Variants in BMAL2 observed in about 807,000 individuals in gnomAD.
The protein encoded by BMAL2 is basic helix-loop-helix ARNT like 2.
At chr12:27,368,077 A>G in the BMAL2 span, among the ~76,000 whole-genome samples, 1 of 138,364 alleles carries the variant, frequency 7.2e-6, no homozygotes, top group Admixed American at 7.2e-5. Context: ...TCCTGACCTC[A>G]GGTGATCCAC....
At chr12:27,360,187 T>C in the BMAL2 span, among the ~76,000 whole-genome samples, 1 of 151,882 alleles carries the variant, frequency 6.6e-6, no homozygotes, top group East Asian at 1.9e-4. Context: ...CATGAGGGAA[T>C]ATCAGACAAA....
the BMAL2 span, chr12:27,380,361 T>TA: frequency 1.9e-5 from 30 of 1,614,024 alleles, no homozygotes; most frequent in Non-Finnish European, 2.5e-5. Flanking sequence ...TGGACAAACT[T>TA]ACAGTTTTAA....
the BMAL2 span, among the ~76,000 whole-genome samples, chr12:27,417,006 C>T: frequency 1.3e-5 from 2 of 152,176 alleles, no homozygotes; most frequent in Admixed American, 6.5e-5. Context: ...ATACAAATAT[C>T]ATGTCTTCTG....
chr12:27,380,498 TTC>T, the BMAL2 span: 4 of 1,364,470 alleles, frequency 2.9e-6, no homozygotes. Flanking sequence ...GCTGTTGAGG[TTC>T]TATCCAGATG....
the BMAL2 span, among the ~76,000 whole-genome samples, chr12:27,418,427 C>G: frequency 6.7e-6 from 1 of 150,152 alleles, no homozygotes; most frequent in Non-Finnish European, 1.5e-5. Context: ...TAGCAATAAC[C>G]CATCCCTACG....
At chr12:27,336,835 C>T in the BMAL2 span, among the ~76,000 whole-genome samples, 2 of 151,510 alleles carry the variant, frequency 1.3e-5, no homozygotes, top group Non-Finnish European at 2.9e-5. Flanking sequence ...TGCCTGTAAT[C>T]CCAGCTCAGG....
the BMAL2 span, among the ~76,000 whole-genome samples, chr12:27,345,954 T>G: frequency 6.6e-6 from 1 of 152,238 alleles, no homozygotes; most frequent in African/African-American, 2.4e-5. Context: ...GAAGCAAATA[T>G]TTAAAAGGGA....
the BMAL2 span, among the ~76,000 whole-genome samples, chr12:27,344,634 A>G: frequency 1.3e-5 from 2 of 152,170 alleles, no homozygotes; most frequent in African/African-American, 4.8e-5. Context: ...AATCAGGCCT[A>G]CCCAGATTAT....
At chr12:27,343,888 C>T in the BMAL2 span, among the ~76,000 whole-genome samples, 1 of 152,186 alleles carries the variant, frequency 6.6e-6, no homozygotes, top group Admixed American at 6.5e-5. Flanking sequence ...TCCCTTGACT[C>T]CAGTTTCCTT....
chr12:27,359,121 T>C, the BMAL2 span, among the ~76,000 whole-genome samples: 12 of 152,330 alleles, frequency 7.9e-5, no homozygotes, highest in African/African-American at 2.4e-4. Context: ...CAGTGCCTTT[T>C]TTCCAAAGCA....
At chr12:27,346,554 T>A in the BMAL2 span, among the ~76,000 whole-genome samples, 4 of 152,198 alleles carry the variant, frequency 2.6e-5, no homozygotes, top group South Asian at 2.1e-4. Flanking sequence ...TGAGCCACCA[T>A]GCCCGGCCTA....
the BMAL2 span, chr12:27,402,726 TA>T: frequency 6.7e-7 from 1 of 1,491,074 alleles, no homozygotes; most frequent in African/African-American, 1.4e-5. Flanking sequence ...GACATATTAT[TA>T]AGACTATTAC....
the BMAL2 span, among the ~76,000 whole-genome samples, chr12:27,367,932 C>A: frequency 6.6e-6 from 1 of 151,712 alleles, no homozygotes; most frequent in African/African-American, 2.4e-5. Flanking sequence ...GCAACCTCTG[C>A]CTCCCAGGTT....
chr12:27,339,794 G>T, the BMAL2 span, among the ~76,000 whole-genome samples: 3 of 152,116 alleles, frequency 2.0e-5, no homozygotes, highest in East Asian at 5.8e-4. Flanking sequence ...TAGCCATTCT[G>T]ACTGGTATGA....
the BMAL2 span, among the ~76,000 whole-genome samples, chr12:27,362,840 G>T: frequency 6.6e-6 from 1 of 151,902 alleles, no homozygotes; most frequent in Non-Finnish European, 1.5e-5. Flanking sequence ...AGAAGACAGG[G>T]TCTCACTCTG....
chr12:27,400,453 A>C, the BMAL2 span: 2 of 1,166,628 alleles, frequency 1.7e-6, no homozygotes, highest in Non-Finnish European at 2.3e-6. Context: ...CACAATTATA[A>C]CTATTATAGA....
chr12:27,379,045 A>G, the BMAL2 span, among the ~76,000 whole-genome samples: 1 of 152,076 alleles, frequency 6.6e-6, no homozygotes, highest in Admixed American at 6.5e-5. Flanking sequence ...AAAAAAAAAA[A>G]TCTCATAATG....
chr12:27,385,335 A>G, the BMAL2 span: 1 of 555,860 alleles, frequency 1.8e-6, no homozygotes, highest in Non-Finnish European at 3.2e-6. Flanking sequence ...ATTAAATTAA[A>G]TGAAAATGAA....
the BMAL2 span, chr12:27,333,194 G>C: frequency 8.6e-7 from 1 of 1,168,692 alleles, no homozygotes; most frequent in Non-Finnish European, 1.1e-6. Flanking sequence ...GTCTGCCCCC[G>C]CTGCCCCGAG....
Sources: allele counts gnomAD v4.1 joint callset (sites outside exome capture counted in the v4.1 genomes callset), GRCh38; gene constraint gnomAD v4.1.1; transcripts MANE v1.5; gene names NCBI Gene and HGNC (gene_info 2026-07-23, HGNC 2026-07-21).